Variants in PIEZO2 observed in about 807,000 individuals in gnomAD.
PIEZO2 encodes piezo type mechanosensitive ion channel component 2.
Under a neutral mutation model 337.3 loss-of-function variants are expected in PIEZO2, and 172 were observed. The ratio of observed to expected loss-of-function variants is 0.51; its 90% CI spans 0.45 to 0.58. The LOEUF is 0.58. Among genes scored for constraint, PIEZO2 ranks in the 20% least tolerant of loss-of-function variants. The pLI is 0.00. For synonymous variants in PIEZO2, 1,251 were observed against 1,228.5 expected, an observed-to-expected ratio of 1.02 and a Z score of -0.38; for missense variants, 3,028 against 3,391.3, an observed-to-expected ratio of 0.89 and a Z score of 2.66.
rs1171833579 is a variant in PIEZO2, at chr18:11,092,113, T to C, written c.65-25891A>G. On this transcript the variant is annotated intron_variant, in intron 1 of 55. Coordinates refer to ENST00000674853, the MANE Select transcript of PIEZO2 (RefSeq NM_001378183.1). The surrounding 1 kb of genome is among the most constrained non-coding windows in gnomAD (Gnocchi z 4.5). The stretch of plus-strand genomic sequence containing the variant: ...GGCTAAAAGGGTATTTTTTGAAAGG[T>C]TGTCTGCTACCTGACTATAGAAAGA... 6.6e-6 allele frequency among the ~76,000 whole-genome samples: 1 copy of C among 152,206 alleles called. No individual in the cohort carries two copies. The highest frequency in any genetic ancestry group is 2.1e-4 in the South Asian group (1 of 4,826).
intron 1 of PIEZO2, among the ~76,000 whole-genome samples, chr18:11,107,175 A>G (rs540173934): frequency 6.6e-6 from 1 of 152,246 alleles, no homozygotes; most frequent in Non-Finnish European, 1.5e-5. Flanking sequence ...AATGGTGCAC[A>G]TCGATATTAT....
At chr18:11,046,435 G>A (rs1391965597) in intron 2 of PIEZO2, among the ~76,000 whole-genome samples, 1 of 152,104 alleles carries the variant, frequency 6.6e-6, no homozygotes, top group Non-Finnish European at 1.5e-5. Flanking sequence ...ATGAGCCGGG[G>A]GATAAATAAG....
chr18:10,799,990 AT>A (rs1250121416), intron 11 of PIEZO2, among the ~76,000 whole-genome samples: 2 of 127,628 alleles, frequency 1.6e-5, no homozygotes, highest in African/African-American at 5.7e-5. Flanking sequence ...AAAAAAAAAA[AT>A]TCATATATTA....
At chr18:10,875,315 C>A (rs2042242511) in intron 4 of PIEZO2, among the ~76,000 whole-genome samples, 1 of 152,032 alleles carries the variant, frequency 6.6e-6, no homozygotes, top group South Asian at 2.1e-4. Context: ...TGAATGAATT[C>A]ATCATAGGAA....
intron 1 of PIEZO2, among the ~76,000 whole-genome samples, chr18:11,106,507 G>C (rs1485088930): frequency 6.9e-6 from 1 of 144,808 alleles, no homozygotes; most frequent in African/African-American, 2.6e-5. Context: ...TCCTGGGCTC[G>C]GGTGATCCTC....
At chr18:10,770,403 G>T in intron 20 of PIEZO2, 95 bp from the exon 21 acceptor site, 1 of 1,248,080 alleles carries the variant, frequency 8.0e-7, no homozygotes, top group Non-Finnish European at 1.1e-6. Context: ...ATGAGAGGCT[G>T]CAAAATAATT....
chr18:11,106,803 G>A (rs2039582175), intron 1 of PIEZO2, among the ~76,000 whole-genome samples: 1 of 151,908 alleles, frequency 6.6e-6, no homozygotes, highest in Non-Finnish European at 1.5e-5. Flanking sequence ...TCCTTTCCCT[G>A]AAACCTCCTT....
chr18:11,141,759 G>A (rs1404669141), intron 1 of PIEZO2, among the ~76,000 whole-genome samples: 1 of 152,178 alleles, frequency 6.6e-6, no homozygotes, highest in African/African-American at 2.4e-5. Flanking sequence ...TGAATCTGAA[G>A]TGGGGTGGAG....
chr18:10,758,347 G>C (rs1332136540), intron 26 of PIEZO2, among the ~76,000 whole-genome samples: 1 of 151,580 alleles, frequency 6.6e-6, no homozygotes, highest in Non-Finnish European at 1.5e-5. Flanking sequence ...AGACACTCCA[G>C]GAGCTTACGT....
chr18:11,104,103 ATTC>A lies in PIEZO2; in HGVS notation c.65-37884_65-37882del, dbSNP rs767198996. ...TAGTGTAATAGGATGTTAAAATTGG[ATTC>A]TTCTTATCATAGCTTTCACTGGGAT... On this transcript the variant is annotated intron_variant, in intron 1 of 55. Coordinates refer to ENST00000674853, the MANE Select transcript of PIEZO2 (RefSeq NM_001378183.1). The surrounding 1 kb of genome is among the most constrained non-coding windows in gnomAD (Gnocchi z 4.6). 6.6e-6 allele frequency among the ~76,000 whole-genome samples: 1 copy of A among 152,094 alleles called. No individual in the cohort carries two copies.
Position 10,766,603 on chromosome 18 carries a change from G to T in PIEZO2, c.2947-3505C>A, listed in dbSNP as rs908995832. Among the ~76,000 whole-genome samples, 1 of 152,110 alleles carries T rather than the reference G, an allele frequency of 6.6e-6. No individual in the cohort carries two copies. The highest frequency in any genetic ancestry group is 1.5e-5 in the Non-Finnish European group (1 of 68,012). ...GCCTCTGAGAACCAAAGCCTCCTGG[G>T]CCCTGCACTTACCCATCCCTGGCTT... is the stretch of plus-strand genomic sequence containing the variant. On this transcript the variant is annotated intron_variant, in intron 21 of 55. Coordinates refer to ENST00000674853, the MANE Select transcript of PIEZO2 (RefSeq NM_001378183.1). The surrounding 1 kb of genome is among the most constrained non-coding windows in gnomAD (Gnocchi z 6.1).
chr18:10,789,380 C>T lies in PIEZO2; in HGVS notation c.1883-15G>A. ...AAGTTCCTCATCTTCAAATAGAAAA[C>T]TGTGCTGTTATACTTAGCTGGTTAT... On this transcript the variant is annotated splice_polypyrimidine_tract_variant and intron_variant, in intron 14 of 55. Transcript: ENST00000674853. 6.5e-7 allele frequency: 1 copy of T among 1,529,784 alleles called. No homozygotes were observed. The highest frequency in any genetic ancestry group is 8.7e-7 in the Non-Finnish European group (1 of 1,143,526). The allele number at this position is 1,529,784 out of a possible 1,614,324, so 94.8% of individuals were successfully genotyped here.
intron 51 of PIEZO2, among the ~76,000 whole-genome samples, chr18:10,680,758 T>A (rs943493795): frequency 6.6e-6 from 1 of 152,210 alleles, no homozygotes; most frequent in African/African-American, 2.4e-5. Flanking sequence ...CAACCCTCTC[T>A]GAAGAACTGC....
chr18:11,130,237 T>C (rs571239016), intron 1 of PIEZO2, among the ~76,000 whole-genome samples: 9 of 152,364 alleles, frequency 5.9e-5, no homozygotes, highest in Non-Finnish European at 1.0e-4. Context: ...CAGTGGATTA[T>C]TGCAAGCTTA....
At chr18:10,778,232 C>T (rs2038855957) in intron 18 of PIEZO2, among the ~76,000 whole-genome samples, 1 of 152,160 alleles carries the variant, frequency 6.6e-6, no homozygotes, top group Non-Finnish European at 1.5e-5. Flanking sequence ...AATGGATAAT[C>T]AGCCCTACTC....
In PIEZO2 at chr18:10,784,910, G is replaced by C; in HGVS notation, c.2366C>G (p.Thr789Ser). ...LKQFTVAELF[T>S]RIFIPTSFLL... ...AAAGGAGGTTGGGATGAATATGCGA[G>C]TGAATAGTTCAGCCACAGTAAACTG... is the stretch of plus-strand genomic sequence containing the variant. Residue 789 changes from threonine to serine, a missense_variant, in exon 17 of 56, where the codon ACT (threonine) becomes AGT (serine). By Grantham distance (58) the Thr-to-Ser change is moderately conservative. Transcript: ENST00000674853. The surrounding 1 kb of genome is among the most constrained non-coding windows in gnomAD (Gnocchi z 4.5). 1 of 1,537,374 alleles carries C rather than the reference G, an allele frequency of 6.5e-7. No individual in the cohort carries two copies. The highest frequency in any genetic ancestry group is 8.7e-7 in the Non-Finnish European group (1 of 1,146,898).
intron 9 of PIEZO2, among the ~76,000 whole-genome samples, chr18:10,803,637 A>T (rs923560010): frequency 6.6e-6 from 1 of 152,206 alleles, no homozygotes; most frequent in African/African-American, 2.4e-5. Context: ...TCTTTTTAAG[A>T]TTAGGAGATT....
intron 2 of PIEZO2, among the ~76,000 whole-genome samples, chr18:11,049,670 C>G (rs1568328695): frequency 6.6e-6 from 1 of 152,144 alleles, no homozygotes; most frequent in Non-Finnish European, 1.5e-5. Context: ...ATACTGTTCT[C>G]ACGGTAGTAA....
chr18:10,959,580 T>C (rs553022248), intron 3 of PIEZO2, among the ~76,000 whole-genome samples: 12 of 151,848 alleles, frequency 7.9e-5, no homozygotes, highest in African/African-American at 2.4e-4. Context: ...TGTCAGTTTC[T>C]CAGTATTGCG....
Sources: gnomAD v4.1 joint callset for allele counts (sites outside exome capture counted in the v4.1 genomes callset) on GRCh38, gnomAD v4.1.1 for gene constraint, Gnocchi (gnomAD v3.1) non-coding constraint, MANE v1.5 for transcripts, NCBI Gene and HGNC (gene_info 2026-07-23, HGNC 2026-07-21) for gene names.